Variants in CHMP4B observed in about 807,000 individuals in gnomAD.
CHMP4B encodes the protein SNF7 homolog associated with Alix 1.
CHMP4B carries 1 observed loss-of-function variant against 25.1 expected under a neutral mutation model. The ratio of observed to expected loss-of-function variants is 0.04; its 90% CI spans 0.01 to 0.19. The LOEUF is 0.19. Ranked by LOEUF, CHMP4B falls within the 10% of genes least tolerant of loss-of-function variation. The pLI is 1.00. For synonymous variants in CHMP4B, 101 were observed against 115.6 expected (o/e 0.87, Z 0.81); for missense variants, 151 against 289.7 (o/e 0.52, Z 3.48).
intron 2 of CHMP4B, 86 bp downstream of exon 2, chr20:33,848,730 CCCTTGACTTA>C: frequency 7.1e-7 from 1 of 1,410,064 alleles, no homozygotes; most frequent in Middle Eastern, 1.8e-4. Context: ...GCAGACGGAT[CCCTTGACTTA>C]CCTATTCGAG....
intron 1 of CHMP4B, among the ~76,000 whole-genome samples, chr20:33,839,003 G>T (rs567047767): frequency 1.2e-3 from 180 of 152,190 alleles, no homozygotes; most frequent in African/African-American, 4.0e-3. Flanking sequence ...TGCTTACTTT[G>T]GGTCTCTGCT....
intron 1 of CHMP4B, among the ~76,000 whole-genome samples, chr20:33,840,438 A>G (rs1979507912): frequency 6.6e-6 from 1 of 152,190 alleles, no homozygotes; most frequent in Admixed American, 6.5e-5. Context: ...TTTCACCCCC[A>G]TCTTGCATCT....
chr20:33,838,720 CT>C (rs1210503920), intron 1 of CHMP4B, among the ~76,000 whole-genome samples: 3 of 152,164 alleles, frequency 2.0e-5, no homozygotes, highest in Non-Finnish European at 2.9e-5. Context: ...ATGGCCCTCA[CT>C]AACCAGGGGG....
intron 1 of CHMP4B, among the ~76,000 whole-genome samples, chr20:33,841,390 G>A (rs1022150119): frequency 6.6e-6 from 1 of 152,210 alleles, no homozygotes. Flanking sequence ...CCTCTAGCCT[G>A]AACTCTCCAG....
chr20:33,811,577 A>G lies in CHMP4B; in HGVS notation c.109A>G (p.Ser37Gly). Residue 37 changes from serine (S) to glycine (G), a missense_variant, in exon 1 of 5, where the codon AGC becomes GGC. Around this residue, in one of 3 missense-constraint regions of CHMP4B, gnomAD observed 82 missense variants for 208.3 expected, o/e 0.39. Coordinates refer to ENST00000217402, the MANE Select transcript of CHMP4B (RefSeq NM_176812.5). The stretch of plus-strand genomic sequence containing the variant: ...GCTGCGGGACACGGAAGAGATGTTA[A>G]GCAAGAAACAGGAGTTCCTGGAGAA... ...QRLRDTEEMLSKKQEFLEKKI... is the reference protein window; with the variant it reads ...QRLRDTEEMLGKKQEFLEKKI... The G allele has an allele frequency of 6.2e-7, 1 of 1,613,840 alleles. No homozygotes were observed. The highest frequency in any genetic ancestry group is 8.5e-7 in the Non-Finnish European group (1 of 1,179,920).
At chr20:33,835,588 G>T (rs1242922336) in intron 1 of CHMP4B, among the ~76,000 whole-genome samples, 1 of 152,182 alleles carries the variant, frequency 6.6e-6, no homozygotes, top group East Asian at 1.9e-4. Context: ...TTTCATCAAT[G>T]AAGTGTCTGA....
chr20:33,844,559 G>C (rs537368131), intron 1 of CHMP4B, among the ~76,000 whole-genome samples: 20 of 152,130 alleles, frequency 1.3e-4, no homozygotes, highest in Non-Finnish European at 2.1e-4. Flanking sequence ...AGTTAGGGTT[G>C]GCATACAAGG....
intron 1 of CHMP4B, among the ~76,000 whole-genome samples, chr20:33,826,425 G>A (rs188374369): frequency 2.8e-4 from 43 of 152,204 alleles, no homozygotes; most frequent in Admixed American, 2.6e-4. Context: ...TATGGGTTGC[G>A]GCCTCCCTGA....
intron 1 of CHMP4B, among the ~76,000 whole-genome samples, chr20:33,844,925 AT>A (rs912192098): frequency 2.5e-4 from 38 of 151,912 alleles, no homozygotes; most frequent in East Asian, 3.9e-4. Flanking sequence ...CACCCGGCTA[AT>A]TTTTTTGTAT....
chr20:33,814,847 C>T (rs569111694), intron 1 of CHMP4B, among the ~76,000 whole-genome samples: 2 of 152,288 alleles, frequency 1.3e-5, no homozygotes, highest in Non-Finnish European at 2.9e-5. Flanking sequence ...GACAAGGTCT[C>T]GCTCTGTTGC....
At chr20:33,830,933 G>GTTGTTTTTTTTTTTT (rs746793442) in intron 1 of CHMP4B, among the ~76,000 whole-genome samples, 6 of 102,524 alleles carry the variant, frequency 5.9e-5, no homozygotes, top group African/African-American at 1.8e-4. Context: ...AAGGAACAGA[G>GTTGTTTTTTTTTTTT]TTTTTTTTTT....
chr20:33,819,329 T>C (rs1377289037), intron 1 of CHMP4B, among the ~76,000 whole-genome samples: 2 of 152,198 alleles, frequency 1.3e-5, no homozygotes, highest in Admixed American at 6.5e-5. Context: ...GGAACTAGTT[T>C]GGTTATGAGT....
At chr20:33,847,045 TGAA>T (rs1979707010) in intron 1 of CHMP4B, among the ~76,000 whole-genome samples, 1 of 151,768 alleles carries the variant, frequency 6.6e-6, no homozygotes, top group Non-Finnish European at 1.5e-5. Flanking sequence ...ATATGAGACT[TGAA>T]GAAGAGTCAG....
chr20:33,814,210 A>G (rs550595725), intron 1 of CHMP4B, among the ~76,000 whole-genome samples: 9 of 152,268 alleles, frequency 5.9e-5, no homozygotes, highest in Admixed American at 4.6e-4. Flanking sequence ...TCTAGGAGGA[A>G]GGTCTTAGTG....
intron 1 of CHMP4B, among the ~76,000 whole-genome samples, chr20:33,833,689 C>T (rs2122798635): frequency 6.6e-6 from 1 of 152,292 alleles, no homozygotes; most frequent in Middle Eastern, 3.4e-3. Context: ...TGTTCCCTCC[C>T]CTATTTTCTC....
chr20:33,847,868 C>T (rs909352818), intron 1 of CHMP4B, among the ~76,000 whole-genome samples: 6 of 151,826 alleles, frequency 4.0e-5, no homozygotes, highest in African/African-American at 1.5e-4. Context: ...TGTTACTTTT[C>T]GGGAGCATTG....
At chr20:33,829,503 C>T (rs1311887862) in intron 1 of CHMP4B, among the ~76,000 whole-genome samples, 1 of 152,192 alleles carries the variant, frequency 6.6e-6, no homozygotes, top group African/African-American at 2.4e-5. Context: ...GGTCTTAAGG[C>T]TATAAGGCCA....
intron 1 of CHMP4B, among the ~76,000 whole-genome samples, chr20:33,813,159 A>T (rs759248555): frequency 7.7e-4 from 115 of 148,974 alleles, no homozygotes; most frequent in Admixed American, 2.3e-3. Flanking sequence ...AAAAAAAAAA[A>T]GGGGGAGGAG....
At chr20:33,811,922 G>C (rs1247461950) in intron 1 of CHMP4B, among the ~76,000 whole-genome samples, 2 of 151,992 alleles carry the variant, frequency 1.3e-5, no homozygotes, top group Admixed American at 6.6e-5. Context: ...CAATCTCACA[G>C]CACTTTCCTC....
Sources: allele counts gnomAD v4.1 joint callset (sites outside exome capture counted in the v4.1 genomes callset), GRCh38; gene constraint gnomAD v4.1.1; regional missense constraint gnomAD v4.1.1; transcripts MANE v1.5; gene names NCBI Gene and HGNC (gene_info 2026-07-23, HGNC 2026-07-21).